Variants in SSBP2 observed in about 807,000 individuals in gnomAD.
The protein encoded by SSBP2 is single-stranded DNA-binding protein 2.
In SSBP2, 17 loss-of-function variants were observed where a neutral mutation model predicts 61.8. The ratio of observed to expected loss-of-function variants is 0.28; its 90% CI spans 0.19 to 0.41. The LOEUF is 0.41. SSBP2 is among the 10% of genes least tolerant of loss of function. The pLI is 1.00. For missense variants in SSBP2, 310 were observed against 458.7 expected (o/e 0.68, Z 2.96); for synonymous variants, 139 against 141.3 (o/e 0.98, Z 0.12).
chr5:81,681,308 T>C (rs1333828249), intron 1 of SSBP2, among the ~76,000 whole-genome samples: 6 of 151,972 alleles, frequency 3.9e-5, no homozygotes, highest in African/African-American at 1.2e-4. Context: ...TCACCTGAGG[T>C]CAGGACTTTA....
At position 81,416,138 on chromosome 5, in the gene SSBP2, C is replaced by G. The variant is rs893841630; in HGVS notation, c.*4366G>C. ...GGCTGAGGCAGGAGAATCTCTGGAA[C>G]CTGGGAGGCGGAGACGGCAGTGAGC... On this transcript the variant is annotated 3_prime_UTR_variant, in exon 17 of 17. Coordinates refer to ENST00000320672, the MANE Select transcript of SSBP2 (RefSeq NM_012446.5). 2 of 151,028 alleles carry G rather than the reference C, an allele frequency of 1.3e-5. No homozygotes were observed. The highest frequency in any genetic ancestry group is 4.9e-5 in the African/African-American group (2 of 41,016). The allele number at this position is 151,028 out of a possible 1,614,324, so 9.4% of individuals were successfully genotyped here.
At chr5:81,581,684 GA>G (rs917195775) in intron 4 of SSBP2, among the ~76,000 whole-genome samples, 3 of 152,090 alleles carry the variant, frequency 2.0e-5, no homozygotes, top group Non-Finnish European at 2.9e-5. Flanking sequence ...ATATTTTGCA[GA>G]AAAAAACTAG....
chr5:81,609,656 C>T (rs1250116717), intron 4 of SSBP2, among the ~76,000 whole-genome samples: 1 of 152,148 alleles, frequency 6.6e-6, no homozygotes, highest in Admixed American at 6.5e-5. Flanking sequence ...CAGTTTAAAG[C>T]CTGAAAGCCA....
chr5:81,525,130 T>G (rs1373117526), intron 4 of SSBP2, among the ~76,000 whole-genome samples: 1 of 151,994 alleles, frequency 6.6e-6, no homozygotes, highest in Non-Finnish European at 1.5e-5. Flanking sequence ...ATTCCCTGAC[T>G]CGGTTCCCAT....
intron 3 of SSBP2, among the ~76,000 whole-genome samples, chr5:81,622,126 AAAAAAAAAAG>A (rs1746642741): frequency 6.6e-6 from 1 of 151,696 alleles, no homozygotes; most frequent in Non-Finnish European, 1.5e-5. Flanking sequence ...AAATTAAAAA[AAAAAAAAAAG>A]AAAATACATT....
chr5:81,625,466 C>A (rs1747054356), intron 3 of SSBP2, among the ~76,000 whole-genome samples: 1 of 152,034 alleles, frequency 6.6e-6, no homozygotes, highest in Non-Finnish European at 1.5e-5. Context: ...GGTTCATCAT[C>A]ATGAATAATA....
chr5:81,509,751 T>G (rs1004643932), intron 5 of SSBP2, among the ~76,000 whole-genome samples: 1 of 152,204 alleles, frequency 6.6e-6, no homozygotes, highest in Non-Finnish European at 1.5e-5. Flanking sequence ...TTCAAATATA[T>G]CTGAAAGTTT....
chr5:81,465,842 T>C (rs76162722), intron 9 of SSBP2, among the ~76,000 whole-genome samples: 1 of 152,028 alleles, frequency 6.6e-6, no homozygotes, highest in Non-Finnish European at 1.5e-5. Flanking sequence ...TGTGTATCCA[T>C]TTTTACTTTA....
chr5:81,639,752 A>C (rs1748605609), intron 2 of SSBP2, among the ~76,000 whole-genome samples: 1 of 152,160 alleles, frequency 6.6e-6, no homozygotes, highest in African/African-American at 2.4e-5. Context: ...GAAGTGAACA[A>C]CTGTAATTAC....
intron 1 of SSBP2, among the ~76,000 whole-genome samples, chr5:81,712,317 T>C (rs1423598999): frequency 6.6e-6 from 1 of 151,948 alleles, no homozygotes; most frequent in Non-Finnish European, 1.5e-5. Context: ...ATCTATCATA[T>C]GTTAGAAAAG....
intron 1 of SSBP2, among the ~76,000 whole-genome samples, chr5:81,690,092 C>A (rs937358380): frequency 6.6e-6 from 1 of 151,618 alleles, no homozygotes; most frequent in African/African-American, 2.4e-5. Context: ...AAAAAGAATA[C>A]AACAGATAAA....
intron 4 of SSBP2, among the ~76,000 whole-genome samples, chr5:81,557,102 T>C (rs1489099003): frequency 6.6e-6 from 1 of 152,202 alleles, no homozygotes; most frequent in Non-Finnish European, 1.5e-5. Flanking sequence ...GCCTAGCCTC[T>C]ATTTAACTCT....
intron 4 of SSBP2, among the ~76,000 whole-genome samples, chr5:81,555,194 AAATTT>A (rs1581010300): frequency 6.6e-6 from 1 of 152,116 alleles, no homozygotes; most frequent in Non-Finnish European, 1.5e-5. Context: ...ATAGCAAAAT[AAATTT>A]AATTTTTCTA....
intron 1 of SSBP2, among the ~76,000 whole-genome samples, chr5:81,717,841 A>G (rs573664140): frequency 6.6e-6 from 1 of 152,354 alleles, no homozygotes; most frequent in Admixed American, 6.5e-5. Context: ...CTCTCCAGCC[A>G]TAAGACATAA....
chr5:81,483,772 C>G (rs555491819), intron 6 of SSBP2, among the ~76,000 whole-genome samples: 1 of 152,190 alleles, frequency 6.6e-6, no homozygotes, highest in Non-Finnish European at 1.5e-5. Flanking sequence ...TATACACACA[C>G]ACACACACAC....
intron 3 of SSBP2, among the ~76,000 whole-genome samples, chr5:81,623,067 A>C (rs746597552): frequency 1.2e-4 from 18 of 152,210 alleles, no homozygotes; most frequent in Non-Finnish European, 2.5e-4. Context: ...GATACAGCTA[A>C]AAGTTTTTCA....
chr5:81,677,311 T>C (rs1752056453), intron 1 of SSBP2, among the ~76,000 whole-genome samples: 1 of 152,054 alleles, frequency 6.6e-6, no homozygotes, highest in South Asian at 2.1e-4. Flanking sequence ...CTTAGCTCCA[T>C]AAAATAAGTG....
chr5:81,738,314 A>G (rs1010790592), intron 1 of SSBP2, among the ~76,000 whole-genome samples: 2 of 152,208 alleles, frequency 1.3e-5, no homozygotes, highest in African/African-American at 4.8e-5. Context: ...TCAGATTTCA[A>G]TAACGCTATT....
At chr5:81,436,840 T>C (rs1386978196) in intron 15 of SSBP2, among the ~76,000 whole-genome samples, 1 of 152,160 alleles carries the variant, frequency 6.6e-6, no homozygotes, top group Non-Finnish European at 1.5e-5. Flanking sequence ...TCATTTTAGA[T>C]ACTCAAACTA....
Sources: gnomAD v4.1 joint callset for allele counts (sites outside exome capture counted in the v4.1 genomes callset) on GRCh38, gnomAD v4.1.1 for gene constraint, MANE v1.5 for transcripts, NCBI Gene and HGNC (gene_info 2026-07-23, HGNC 2026-07-21) for gene names.